ASMT: variants seen among roughly 807,000 people sequenced by gnomAD.
ASMT encodes acetylserotonin N-methyltransferase.
ASMT carries 53 observed loss-of-function variants against 41.3 expected under a neutral mutation model. The observed-to-expected ratio is 1.28, with a 90% CI of 1.03 to 1.61. ASMT has a LOEUF of 1.61. Among genes scored for constraint, ASMT ranks in the 40% most tolerant of loss-of-function variants. The pLI is 0.00. For synonymous variants in ASMT, 231 were observed against 184.8 expected, an observed-to-expected ratio of 1.25 and a Z score of -2.03; for missense variants, 531 against 441.3, an observed-to-expected ratio of 1.20 and a Z score of -1.82.
At chrX:1,628,041 C>A in intron 4 of ASMT, 1 of 547,304 alleles carries the variant, frequency 1.8e-6, no homozygotes. Context: ...GAGGCACGCG[C>A]CGGGCGCGGT....
rs756818042 is a variant in ASMT at position 1,637,062 on chromosome X, G to T, written c.910+502G>T. On this transcript the variant is annotated intron_variant, in intron 8 of 8. Transcript: ENST00000381241. Reference sequence around the variant, plus strand: ...ATCCATCCTGATGGCACATGAGGATGTGGGCACAGCCTCTGTGTGTGAGAT... The same window carrying T: ...ATCCATCCTGATGGCACATGAGGATTTGGGCACAGCCTCTGTGTGTGAGAT... Among the ~76,000 whole-genome samples, 7 of 105,176 alleles carry T rather than the reference G, an allele frequency of 6.7e-5. 1 individual carries two copies. Among genetic ancestry groups the T allele is most frequent in the Non-Finnish European group, 1.2e-4 (6 of 50,844 alleles). The allele number at this position is 105,176 out of a possible 152,430, so 69.0% of individuals were successfully genotyped here.
At chrX:1,629,544 A>C (rs1438940171) in intron 4 of ASMT, among the ~76,000 whole-genome samples, 4 of 152,152 alleles carry the variant, frequency 2.6e-5, no homozygotes, top group African/African-American at 9.7e-5. Context: ...TCCTCTTAGA[A>C]AACATCTAAA....
chrX:1,642,692 C>A, intron 8 of ASMT, 111 bp from the exon 9 acceptor site: 1 of 956,460 alleles, frequency 1.0e-6, no homozygotes, highest in Non-Finnish European at 1.7e-6. Context: ...GTGATGGGGA[C>A]GGTGCCCTGA....
At chrX:1,624,058 C>T (rs191869809) in intron 2 of ASMT, among the ~76,000 whole-genome samples, 5 of 152,010 alleles carry the variant, frequency 3.3e-5, no homozygotes, top group Non-Finnish European at 7.4e-5. Context: ...TTGTACAAAC[C>T]GAACCCGACG....
chrX:1,627,708 G>T lies in ASMT; in HGVS notation c.380G>T (p.Gly127Val). ...CCTTCTCTCTCTTTTCTTAGAGAAGGAAGGAACCAGTACCTGGAGACGTTT... is the reference window on the plus strand; with the variant it reads ...CCTTCTCTCTCTTTTCTTAGAGAAGTAAGGAACCAGTACCTGGAGACGTTT... ...WGHLADAVRE[G>V]RNQYLETFGV... The change falls in exon 4 of 9, where the codon GGA (glycine) becomes GTA (valine). Residue 127 changes from glycine (G) to valine (V), a missense_variant. Transcript: ENST00000381241. The T allele has an allele frequency of 1.2e-6, 2 of 1,613,712 alleles. No homozygotes were observed. The highest frequency in any genetic ancestry group is 2.2e-5 in the South Asian group (2 of 91,066).
intron 7 of ASMT, among the ~76,000 whole-genome samples, chrX:1,634,453 CT>C (rs1480449060): frequency 6.6e-6 from 1 of 152,186 alleles, no homozygotes; most frequent in African/African-American, 2.4e-5. Context: ...TGACTCCAAT[CT>C]TCACCTCTTC....
chrX:1,625,543 A>G (rs1357850338), intron 3 of ASMT, among the ~76,000 whole-genome samples: 28 of 52,598 alleles, frequency 5.3e-4, no homozygotes, highest in African/African-American at 1.6e-3. Context: ...GAAGGAAGGA[A>G]GGGAGGGAGG....
chrX:1,616,739 C>G (rs185996988), intron 1 of ASMT, among the ~76,000 whole-genome samples: 14 of 150,676 alleles, frequency 9.3e-5, no homozygotes, highest in African/African-American at 1.7e-4. Flanking sequence ...GACAGAGTCT[C>G]GCTCTGTCGC....
chrX:1,636,429 G>C lies in ASMT; in HGVS notation c.788-9G>C. 6.2e-7 allele frequency: 1 copy of C among 1,613,900 alleles called. No homozygotes were observed. The highest frequency in any genetic ancestry group is 8.5e-7 in the Non-Finnish European group (1 of 1,179,872). On this transcript the variant is annotated splice_polypyrimidine_tract_variant and intron_variant, in intron 7 of 8. Coordinates refer to ENST00000381241, the MANE Select transcript of ASMT (RefSeq NM_001171038.2). ...AGGCTGACCTCGGTGTGCCTGCCCT[G>C]TGTTCCAGGGGATTTCTTCAAAGAC...
chrX:1,615,345 G>C, intron 1 of ASMT, 77 bp downstream of exon 1: 1 of 1,314,058 alleles, frequency 7.6e-7, no homozygotes, highest in South Asian at 1.3e-5. Context: ...TGTCAGTCGA[G>C]AAAAATGATG....
chrX:1,627,135 A>G (rs1274804789), intron 3 of ASMT, among the ~76,000 whole-genome samples: 1 of 146,262 alleles, frequency 6.8e-6, no homozygotes, highest in East Asian at 2.0e-4. Context: ...GACCAGCCTG[A>G]CCAACATGAT....
chrX:1,616,121 A>T (rs150862298), intron 1 of ASMT, among the ~76,000 whole-genome samples: 10 of 149,088 alleles, frequency 6.7e-5, no homozygotes, highest in African/African-American at 1.0e-4. Context: ...CTCCGCCTCC[A>T]GGGTTCAGGC....
rs188235877 is a variant in ASMT, at chrX:1,618,972, A to G, written c.69+3704A>G. ...TGTCATGGGAGTTGTCAGAAGTTTCACAGAACCAGAGTTAATGCAGAGTTA... is the reference window on the plus strand; with the variant it reads ...TGTCATGGGAGTTGTCAGAAGTTTCGCAGAACCAGAGTTAATGCAGAGTTA... On this transcript the variant is annotated intron_variant, in intron 1 of 8. Coordinates refer to ENST00000381241, the MANE Select transcript of ASMT (RefSeq NM_001171038.2). Among the ~76,000 whole-genome samples the G allele has an allele frequency of 6.1e-3, 935 of 152,330 alleles. 13 individuals are homozygous for G. The highest frequency in any genetic ancestry group is 0.02 in the African/African-American group (812 of 41,568).
chrX:1,630,021 C>A (rs1934712448), intron 5 of ASMT, 82 bp downstream of exon 5: 2 of 1,242,556 alleles, frequency 1.6e-6, no homozygotes, highest in Non-Finnish European at 2.4e-6. Context: ...CTTTTATTTT[C>A]TGCATTCTGA....
rs1301116375 is a variant in ASMT, at chrX:1,628,494, C to G, written c.443+723C>G. On this transcript the variant is annotated intron_variant, in intron 4 of 8. Coordinates refer to ENST00000381241, the MANE Select transcript of ASMT (RefSeq NM_001171038.2). ...GATGGAGGTGAATTGATGGGCCCGT[C>G]CAGTGTTCCAGCTGGCTGAGGCATG... 3.3e-5 allele frequency among the ~76,000 whole-genome samples: 5 copies of G among 152,028 alleles called. No individual in the cohort carries two copies. The South Asian group carries it at 6.2e-4, about 19-fold the overall frequency.
chrX:1,624,123 T>C, intron 2 of ASMT, 146 bp from the exon 3 acceptor site: 1 of 1,171,150 alleles, frequency 8.5e-7, no homozygotes, highest in South Asian at 1.2e-5. Flanking sequence ...GCTCCAGCTG[T>C]ACAAGGCAAG....
At chrX:1,620,534 GAAAC>G (rs1288523687) in intron 1 of ASMT, among the ~76,000 whole-genome samples, 10 of 152,022 alleles carry the variant, frequency 6.6e-5, no homozygotes, top group East Asian at 3.9e-4. Context: ...CAGACTTACT[GAAAC>G]AAACAGTCAA....
chrX:1,623,184 G>T lies in ASMT; in HGVS notation c.115G>T (p.Glu39Ter), dbSNP rs375160719. 1.2e-6 allele frequency: 2 copies of T among 1,613,084 alleles called. No homozygotes were observed. Among genetic ancestry groups the T allele is most frequent in the African/African-American group, 2.7e-5 (2 of 74,866 alleles). The change falls in exon 2 of 9, where the codon GAG (glutamate) becomes TAG (stop). Residue 39 changes from glutamate to a stop codon, truncating the protein, a stop_gained. Coordinates refer to ENST00000381241, the MANE Select transcript of ASMT (RefSeq NM_001171038.2). LOFTEE classifies it high-confidence loss of function. ...CELGVFDLLA[E>*]APGPLDVAAV... is the part of the protein sequence containing the mutation. ...GCTGGGCGTGTTTGACCTTCTCGCC[G>T]AGGCCCCAGGGCCCCTGGACGTGGC...
chrX:1,627,869 C>T, intron 4 of ASMT, 98 bp downstream of exon 4: 1 of 1,119,358 alleles, frequency 8.9e-7, no homozygotes, highest in Non-Finnish European at 1.4e-6. Context: ...TGGCACAACC[C>T]AGGAGGAAGC....
Sources: gnomAD v4.1 joint callset for allele counts (sites outside exome capture counted in the v4.1 genomes callset) on GRCh38, gnomAD v4.1.1 for gene constraint, MANE v1.5 for transcripts, NCBI Gene and HGNC (gene_info 2026-07-23, HGNC 2026-07-21) for gene names.